Variants in IPO5 observed in about 807,000 individuals in gnomAD.
IPO5 encodes the protein importin 5, also known as importin-5.
A neutral mutation model predicts 143.3 loss-of-function variants in IPO5; 18 were observed. The ratio of observed to expected loss-of-function variants is 0.13; its 90% CI spans 0.09 to 0.19. The LOEUF is 0.19. IPO5 is among the 10% of genes least tolerant of loss of function. The pLI is 1.00. For synonymous variants in IPO5, 477 were observed against 465.7 expected (o/e 1.02, Z -0.31); for missense variants, 1,013 against 1,336.9 (o/e 0.76, Z 3.78).
In IPO5 at chr13:97,989,132, G is replaced by A. The variant is rs2139683294; in HGVS notation, c.435G>A (p.Val145=). The A allele has an allele frequency of 1.2e-6, 2 of 1,612,792 alleles. No homozygotes were observed. Among genetic ancestry groups the A allele is most frequent in the South Asian group, 1.1e-5 (1 of 91,036 alleles). ...TTGATTCAGTCAGCTCTCAAAATGT[G>A]GGACTGCGGGAAGCTGCCCTTCACA... The part of the protein sequence containing the change: ...FLFDSVSSQN[V]GLREAALHIF... The change falls in exon 7 of 29, where the codon GTG becomes GTA. Residue 145 remains valine, a synonymous_variant. Transcript: ENST00000651721.
At chr13:98,000,811 G>A (rs1594099411) in intron 13 of IPO5, 166 bp downstream of exon 13, 7 of 583,010 alleles carry the variant, frequency 1.2e-5, no homozygotes, top group East Asian at 5.6e-5. Flanking sequence ...CAAAGAAAAT[G>A]TACAGATTTA....
chr13:97,993,315 G>A, intron 11 of IPO5, 90 bp downstream of exon 11: 1 of 1,109,082 alleles, frequency 9.0e-7, no homozygotes, highest in Non-Finnish European at 1.3e-6. Context: ...TCAGATTGTT[G>A]AGAATATAAT....
intron 9 of IPO5, among the ~76,000 whole-genome samples, chr13:97,992,673 A>G (rs1887899995): frequency 6.6e-6 from 1 of 152,240 alleles, no homozygotes; most frequent in Non-Finnish European, 1.5e-5. Flanking sequence ...ATTTTGACTT[A>G]GATGTAAATC....
intron 2 of IPO5, among the ~76,000 whole-genome samples, chr13:97,955,913 C>T (rs746607144): frequency 4.5e-4 from 68 of 152,200 alleles, no homozygotes; most frequent in Non-Finnish European, 8.5e-4. Flanking sequence ...AGGCGGATCA[C>T]AAGGTCAGGA....
intron 2 of IPO5, among the ~76,000 whole-genome samples, chr13:97,969,189 T>TTTTC (rs1885618990): frequency 8.3e-6 from 1 of 120,716 alleles, no homozygotes; most frequent in Non-Finnish European, 1.8e-5. Context: ...TTTTTTTTTT[T>TTTTC]TTTTTTTTTT....
intron 22 of IPO5, among the ~76,000 whole-genome samples, chr13:98,014,560 A>G (rs750667576): frequency 6.6e-6 from 1 of 152,198 alleles, no homozygotes; most frequent in South Asian, 2.1e-4. Context: ...AAATTTTTAT[A>G]TGCTATAGTG....
chr13:97,969,846 T>C lies in IPO5; in HGVS notation c.-5+16T>C. On this transcript the variant is annotated intron_variant, in intron 3 of 28. Transcript: ENST00000651721. ...ACACAATAAGGTAACTGATTTCACC[T>C]GGGGAAAAGTCACTTCCTGTTTTGT... is the stretch of plus-strand genomic sequence containing the variant. The C allele has an allele frequency of 6.3e-7, 1 of 1,590,826 alleles. No homozygotes were observed. Among genetic ancestry groups the C allele is most frequent in the Non-Finnish European group, 8.6e-7 (1 of 1,164,396 alleles).
intron 17 of IPO5, chr13:98,007,630 A>G (rs74786798): frequency 0.026 from 4,026 of 155,908 alleles, 158 homozygotes; most frequent in African/African-American, 0.08. Flanking sequence ...CCCATACTCT[A>G]TATATCTGGC....
At chr13:97,985,992 T>C (rs1031272145) in intron 6 of IPO5, among the ~76,000 whole-genome samples, 2 of 152,088 alleles carry the variant, frequency 1.3e-5, no homozygotes, top group Non-Finnish European at 2.9e-5. Context: ...TGTGCACCTG[T>C]AGTCCCAGTT....
At chr13:98,013,744 G>A (rs370365178) in intron 21 of IPO5, among the ~76,000 whole-genome samples, 24 of 152,218 alleles carry the variant, frequency 1.6e-4, no homozygotes, top group South Asian at 8.3e-4. Flanking sequence ...TTTGAGGTAG[G>A]TACAGCTTAA....
At chr13:97,966,805 G>A (rs1346483033) in intron 2 of IPO5, among the ~76,000 whole-genome samples, 1 of 152,166 alleles carries the variant, frequency 6.6e-6, no homozygotes, top group Non-Finnish European at 1.5e-5. Flanking sequence ...TTGAGAGGCC[G>A]AGGGAGGTGG....
intron 3 of IPO5, among the ~76,000 whole-genome samples, chr13:97,971,993 T>G (rs1885863573): frequency 6.6e-6 from 1 of 152,202 alleles, no homozygotes; most frequent in African/African-American, 2.4e-5. Context: ...AGCATTCTTT[T>G]TCATTGTACC....
At chr13:97,955,723 A>G (rs1884409153) in intron 2 of IPO5, among the ~76,000 whole-genome samples, 1 of 152,170 alleles carries the variant, frequency 6.6e-6, no homozygotes, top group Non-Finnish European at 1.5e-5. Flanking sequence ...AAGCATTGAC[A>G]GCCCAGTTCA....
At chr13:97,997,132 T>A (rs1249707046) in intron 11 of IPO5, among the ~76,000 whole-genome samples, 1 of 152,206 alleles carries the variant, frequency 6.6e-6, no homozygotes, top group African/African-American at 2.4e-5. Context: ...GAGGTACATA[T>A]ATTATGAAAC....
At chr13:97,979,793 TG>T in intron 4 of IPO5, 2 of 430,158 alleles carry the variant, frequency 4.6e-6, no homozygotes, top group Non-Finnish European at 4.7e-6. Flanking sequence ...CCCAAAGTGT[TG>T]GAATTACAGG....
chr13:97,995,416 A>G (rs983104436), intron 11 of IPO5, among the ~76,000 whole-genome samples: 2 of 151,974 alleles, frequency 1.3e-5, no homozygotes, highest in African/African-American at 4.8e-5. Flanking sequence ...TTGAGAATAT[A>G]ACTGGTTATT....
intron 2 of IPO5, among the ~76,000 whole-genome samples, chr13:97,958,090 C>T (rs1208802080): frequency 6.6e-6 from 1 of 152,152 alleles, no homozygotes; most frequent in Non-Finnish European, 1.5e-5. Flanking sequence ...TATATTTGGA[C>T]TATATATAAA....
chr13:98,015,831 G>T (rs1890088148), intron 24 of IPO5, 50 bp downstream of exon 24: 2 of 1,228,752 alleles, frequency 1.6e-6, no homozygotes, highest in Non-Finnish European at 2.3e-6. Context: ...GCATCTGAAA[G>T]ACTTGTAAAT....
At chr13:98,014,242 T>A in intron 22 of IPO5, 28 bp downstream of exon 22, 1 of 1,487,852 alleles carries the variant, frequency 6.7e-7, no homozygotes, top group East Asian at 2.3e-5. Flanking sequence ...AAAAAATATG[T>A]ATAAGGTTGT....
Sources: allele counts gnomAD v4.1 joint callset (sites outside exome capture counted in the v4.1 genomes callset), GRCh38; gene constraint gnomAD v4.1.1; transcripts MANE v1.5; gene names NCBI Gene and HGNC (gene_info 2026-07-23, HGNC 2026-07-21).